Variants in FBXL19 observed in about 807,000 individuals in gnomAD.
The protein encoded by FBXL19 is F-box/LRR-repeat protein 19.
In FBXL19, 16 loss-of-function variants were observed where a neutral mutation model predicts 71.2. The observed-to-expected ratio is 0.22, with a 90% CI of 0.15 to 0.34. FBXL19 has a LOEUF of 0.34. Among genes scored for constraint, FBXL19 ranks in the 10% least tolerant of loss-of-function variants. The pLI is 1.00. For synonymous variants in FBXL19, 447 were observed against 409.4 expected (o/e 1.09, Z -1.11); for missense variants, 658 against 968.2 (o/e 0.68, Z 4.25).
Position 30,927,578 on chromosome 16 carries a change from G to A in FBXL19, c.327G>A (p.Gly109=). ...EIVHPGCLKM[G]KAEGVINAEI... ...CACTGCCCTCCTGCCTACAGATGGGGAAGGCTGAGGGTGTCATCAATGCAG... is the reference window on the plus strand; with the variant it reads ...CACTGCCCTCCTGCCTACAGATGGGAAAGGCTGAGGGTGTCATCAATGCAG... Residue 109 remains glycine, a synonymous_variant, in exon 4 of 11, where the codon GGG becomes GGA. Transcript: ENST00000338343. The A allele has an allele frequency of 6.4e-7, 1 of 1,558,152 alleles. No individual in the cohort carries two copies. The highest frequency in any genetic ancestry group is 8.7e-7 in the Non-Finnish European group (1 of 1,150,852).
chr16:30,947,445 G>A lies in FBXL19; in HGVS notation c.*215G>A. On this transcript the variant is annotated 3_prime_UTR_variant, in exon 11 of 11. Transcript: ENST00000338343. Reference sequence around the variant, plus strand: ...TTTCTCCTTCCTATGTCCTGCCCCTGCTACCTGCTTCATTGTCCATCCCCT... The same window carrying A: ...TTTCTCCTTCCTATGTCCTGCCCCTACTACCTGCTTCATTGTCCATCCCCT... The A allele has an allele frequency of 1.7e-6, 1 of 574,430 alleles. No homozygotes were observed. The highest frequency in any genetic ancestry group is 3.1e-6 in the Non-Finnish European group (1 of 322,278). The allele number at this position is 574,430 out of a possible 1,614,324, so 35.6% of individuals were successfully genotyped here. A position where few individuals can be genotyped will look rare whatever the true frequency, so the allele number is the denominator to read the frequency against.
At chr16:30,941,527 A>G (rs1181833434) in intron 7 of FBXL19, among the ~76,000 whole-genome samples, 1 of 152,142 alleles carries the variant, frequency 6.6e-6, no homozygotes, top group African/African-American at 2.4e-5. Context: ...TTTACATTGT[A>G]GTTGGAGGAA....
In FBXL19 at chr16:30,942,371, G is replaced by T; in HGVS notation, c.1466-4G>T. Reference sequence around the variant, plus strand: ...CCTGCTTCCTGACTGCCCCCTCTCCGCAGGCCTGCAGGAGCTGGTGCTCTC... The same window carrying T: ...CCTGCTTCCTGACTGCCCCCTCTCCTCAGGCCTGCAGGAGCTGGTGCTCTC... On this transcript the variant is annotated splice_polypyrimidine_tract_variant and splice_region_variant and intron_variant, in intron 8 of 10. Coordinates refer to ENST00000338343, the MANE Select transcript of FBXL19 (RefSeq NM_001382779.1). This position sits in a 1 kb window ranked among gnomAD's most constrained non-coding sequence, Gnocchi z 5.7. 1 of 1,607,846 alleles carries T rather than the reference G, an allele frequency of 6.2e-7. No individual in the cohort carries two copies. Among genetic ancestry groups the T allele is most frequent in the South Asian group, 1.1e-5 (1 of 89,972 alleles).
chr16:30,936,370 C>T (rs1376685925), intron 7 of FBXL19, among the ~76,000 whole-genome samples: 1 of 152,118 alleles, frequency 6.6e-6, no homozygotes, highest in Non-Finnish European at 1.5e-5. Context: ...TGGAACCCCG[C>T]CTCTACTACC....
Position 30,925,654 on chromosome 16 carries a change from G to A in FBXL19, c.-24-77G>A. ...AGAGGGCAGGCTCTAGCTGCCTGTA[G>A]GTGGAGGGACCTGTCAGGGGTCTCC... On this transcript the variant is annotated intron_variant, in intron 1 of 10. Coordinates refer to ENST00000338343, the MANE Select transcript of FBXL19 (RefSeq NM_001382779.1). The surrounding 1 kb of genome is among the most constrained non-coding windows in gnomAD (Gnocchi z 5.0). The A allele has an allele frequency of 7.3e-7, 1 of 1,367,710 alleles. No individual in the cohort carries two copies. Among genetic ancestry groups the A allele is most frequent in the Non-Finnish European group, 9.4e-7 (1 of 1,064,030 alleles). 84.7% of individuals were successfully genotyped at this position (1,367,710 alleles called of 1,614,324 possible). A position where few individuals can be genotyped will look rare whatever the true frequency, so the allele number is the denominator to read the frequency against.
Position 30,942,444 on chromosome 16 carries a change from C to G in FBXL19, c.1535C>G (p.Pro512Arg). 1 of 1,607,354 alleles carries G rather than the reference C, an allele frequency of 6.2e-7. No individual in the cohort carries two copies. Reference protein sequence around the residue: ...SVSALGSAPLPALRLLDLRWI... With the variant: ...SVSALGSAPLRALRLLDLRWI... ...TCTGCCCTGGGCTCAGCCCCACTGC[C>G]AGCCCTGCGGCTCCTGGACCTCCGC... is the stretch of plus-strand genomic sequence containing the variant. Residue 512 changes from proline (P) to arginine (R), a missense_variant, in exon 9 of 11, where the codon CCA becomes CGA. Physicochemically the swap from Pro to Arg is moderately radical, Grantham distance 103. Coordinates refer to ENST00000338343, the MANE Select transcript of FBXL19 (RefSeq NM_001382779.1). This position sits in a 1 kb window ranked among gnomAD's most constrained non-coding sequence, Gnocchi z 5.7.
chr16:30,930,507 C>A lies in FBXL19; in HGVS notation c.1224C>A (p.Ala408=). The change falls in exon 7 of 11, where the codon GCC becomes GCA. Residue 408 remains alanine, a synonymous_variant. Transcript: ENST00000338343. This position sits in a 1 kb window ranked among gnomAD's most constrained non-coding sequence, Gnocchi z 8.5. The part of the protein sequence containing the change: ...AGSDHPLPRA[A]WLRVFQHLGP... ...CCGACCACCCCCTGCCCCGGGCCGC[C>A]TGGCTTCGCGTCTTCCAGCACCTCG... 6.5e-7 allele frequency: 1 copy of A among 1,529,816 alleles called. No homozygotes were observed. The allele number at this position is 1,529,816 out of a possible 1,614,324, so 94.8% of individuals were successfully genotyped here. A position where few individuals can be genotyped will look rare whatever the true frequency, so the allele number is the denominator to read the frequency against.
Position 30,940,117 on chromosome 16 carries a change from G to A in FBXL19, c.1302-1999G>A, listed in dbSNP as rs558880295. On this transcript the variant is annotated intron_variant, in intron 7 of 10. Transcript: ENST00000338343. Reference sequence around the variant, plus strand: ...ACTAAAAATACAAAAAATTAGCCGGGCGTGGTGGCGCATGCCTGTAATCCC... The same window carrying A: ...ACTAAAAATACAAAAAATTAGCCGGACGTGGTGGCGCATGCCTGTAATCCC... Among the ~76,000 whole-genome samples the A allele has an allele frequency of 2.6e-5, 4 of 152,228 alleles. 1 individual carries two copies. The highest frequency in any genetic ancestry group is 2.6e-4 in the Admixed American group (4 of 15,280).
Position 30,923,996 on chromosome 16 carries a change from TG to T in FBXL19, c.-480del, listed in dbSNP as rs1278301017. 3.3e-5 allele frequency: 3 copies of T among 91,880 alleles called. No individual in the cohort carries two copies. Among genetic ancestry groups the T allele is most frequent in the Non-Finnish European group, 4.4e-5 (2 of 45,028 alleles). 5.7% of individuals were successfully genotyped at this position (91,880 alleles called of 1,614,324 possible). ...GGGCGGGCTTGAACCCCGGAAACGG[TG>T]GGGGGGGCCCAGGCCTGGCACTGGA... On this transcript the variant is annotated 5_prime_UTR_variant, in exon 1 of 11. Coordinates refer to ENST00000338343, the MANE Select transcript of FBXL19 (RefSeq NM_001382779.1).
intron 6 of FBXL19, among the ~76,000 whole-genome samples, chr16:30,929,047 C>A (rs539117956): frequency 6.6e-6 from 1 of 152,240 alleles, no homozygotes; most frequent in African/African-American, 2.4e-5. Context: ...TTCTGAAAGG[C>A]AATGAGCTTT....
chr16:30,923,036 T>G (rs893839296), upstream of FBXL19: 1 of 456,764 alleles, frequency 2.2e-6, no homozygotes, highest in Non-Finnish European at 4.4e-6. Context: ...ACTAGTCAGG[T>G]GTATGTCCCT....
At chr16:30,926,929 T>C (rs1567337502) in intron 2 of FBXL19, among the ~76,000 whole-genome samples, 1 of 152,194 alleles carries the variant, frequency 6.6e-6, no homozygotes, top group Non-Finnish European at 1.5e-5. Context: ...CTAAGCTGTC[T>C]TCCCCACCCT....
chr16:30,936,356 T>G (rs1375348913), intron 7 of FBXL19, among the ~76,000 whole-genome samples: 1 of 151,952 alleles, frequency 6.6e-6, no homozygotes, highest in East Asian at 1.9e-4. Context: ...CCAGACGGGC[T>G]AGGTGGAACC....
At position 30,927,366 on chromosome 16, in the gene FBXL19, C is replaced by T. The variant is rs2055604103; in HGVS notation, c.236C>T (p.Thr79Met). 3 of 1,591,218 alleles carry T rather than the reference C, an allele frequency of 1.9e-6. No individual in the cohort carries two copies. Among genetic ancestry groups the T allele is most frequent in the East Asian group, 2.3e-5 (1 of 44,086 alleles). Reference protein sequence around the residue: ...LLCGEAGKEDTVEGEEEKFGL... With the variant: ...LLCGEAGKEDMVEGEEEKFGL... ...TGTGGGGAGGCTGGGAAGGAGGACA[C>T]GGTGGAGGGAGAGGAAGAGAAATTT... Residue 79 changes from threonine (T) to methionine (M), a missense_variant, in exon 3 of 11, where the codon ACG becomes ATG. By Grantham distance (81) the Thr-to-Met change is moderately conservative. Around this residue, in one of 8 missense-constraint regions of FBXL19, gnomAD observed 447 missense variants for 515.4 expected, o/e 0.87. Transcript: ENST00000338343.
At chr16:30,934,456 G>A (rs1392739456) in intron 7 of FBXL19, among the ~76,000 whole-genome samples, 1 of 152,094 alleles carries the variant, frequency 6.6e-6, no homozygotes, top group African/African-American at 2.4e-5. Context: ...TCAGGAGTTT[G>A]AGACCAGCCT....
chr16:30,943,086 C>T (rs1043160038), intron 9 of FBXL19, among the ~76,000 whole-genome samples: 22 of 152,260 alleles, frequency 1.4e-4, no homozygotes, highest in African/African-American at 5.3e-4. Flanking sequence ...CCATAGATAG[C>T]TGTTGAATGA....
chr16:30,934,897 GTAGC>G (rs1443975931), intron 7 of FBXL19, among the ~76,000 whole-genome samples: 4 of 152,206 alleles, frequency 2.6e-5, no homozygotes, highest in Admixed American at 2.6e-4. Flanking sequence ...CAGCCTGTAG[GTAGC>G]AAGCCAAGCA....
At position 30,948,589 on chromosome 16, in the gene FBXL19, T is replaced by TG. The variant is rs1159248950; in HGVS notation, c.*1365dup. The TG allele has an allele frequency of 3.2e-4, 3 of 9,342 alleles. No individual in the cohort carries two copies. The highest frequency in any genetic ancestry group is 6.4e-4 in the Non-Finnish European group (3 of 4,690). The allele number at this position is 9,342 out of a possible 1,614,324, so 0.6% of individuals were successfully genotyped here. On this transcript the variant is annotated 3_prime_UTR_variant, in exon 11 of 11. Coordinates refer to ENST00000338343, the MANE Select transcript of FBXL19 (RefSeq NM_001382779.1). ...CTCAGGTAACAGGGAGGTGCGCGGG[T>TG]GGGGGGAGGGCTGGGCGGACCAAAG...
rs2055873179 is a variant in FBXL19 at position 30,947,470 on chromosome 16, T to C, written c.*240T>C. ...GCTACCTGCTTCATTGTCCATCCCCTGGGGGAGTGGGTCAGAGGTACTGGA... is the reference window on the plus strand; with the variant it reads ...GCTACCTGCTTCATTGTCCATCCCCCGGGGGAGTGGGTCAGAGGTACTGGA... On this transcript the variant is annotated 3_prime_UTR_variant, in exon 11 of 11. Transcript: ENST00000338343. 3 of 500,040 alleles carry C rather than the reference T, an allele frequency of 6.0e-6. No homozygotes were observed. The highest frequency in any genetic ancestry group is 2.1e-5 in the African/African-American group (1 of 47,976). The allele number at this position is 500,040 out of a possible 1,614,324, so 31.0% of individuals were successfully genotyped here.
Sources: gnomAD v4.1 joint callset for allele counts (sites outside exome capture counted in the v4.1 genomes callset) on GRCh38, gnomAD v4.1.1 for gene constraint, gnomAD v4.1.1 regional missense constraint, Gnocchi (gnomAD v3.1) non-coding constraint, MANE v1.5 for transcripts, NCBI Gene and HGNC (gene_info 2026-07-23, HGNC 2026-07-21) for gene names.